Variants in KLHL5 observed in about 807,000 individuals in gnomAD.
KLHL5 encodes kelch like family member 5.
Under a neutral mutation model 77.7 loss-of-function variants are expected in KLHL5, and 48 were observed. The observed-to-expected ratio is 0.62, with a 90% CI of 0.49 to 0.79. The LOEUF (loss-of-function observed/expected upper bound fraction) is 0.79. KLHL5 is among the 30% of genes least tolerant of loss of function. The probability of loss-of-function intolerance (pLI) is 0.00; values close to 1 mark genes in which losing one functional copy is unlikely to be tolerated. For missense variants in KLHL5, 723 were observed against 859.7 expected, an observed-to-expected ratio of 0.84 and a Z score of 1.99; for synonymous variants, 260 against 297.0, an observed-to-expected ratio of 0.88 and a Z score of 1.28.
chr4:39,101,877 T>TATATATAC (rs769434754), intron 6 of KLHL5, among the ~76,000 whole-genome samples: 2 of 108,528 alleles, frequency 1.8e-5, no homozygotes, highest in East Asian at 5.3e-4. Context: ...TATATATATA[T>TATATATAC]ACACACACAC....
At chr4:39,117,573 C>G (rs1407033940) in intron 10 of KLHL5, among the ~76,000 whole-genome samples, 1 of 152,090 alleles carries the variant, frequency 6.6e-6, no homozygotes, top group Non-Finnish European at 1.5e-5. Context: ...TATACACACA[C>G]TTACTGGGTT....
intron 2 of KLHL5, among the ~76,000 whole-genome samples, chr4:39,080,050 C>T (rs62296132): frequency 0.022 from 3,392 of 152,174 alleles, 88 homozygotes; most frequent in Admixed American, 0.083. Context: ...CTTACTTTGG[C>T]AAATCTAATG....
At chr4:39,103,266 C>G in intron 6 of KLHL5, 21 bp from the exon 7 acceptor site, 1 of 1,545,258 alleles carries the variant, frequency 6.5e-7, no homozygotes, top group Non-Finnish European at 8.9e-7. Context: ...ATTTACATAA[C>G]TTCTATATAT....
intron 1 of KLHL5, among the ~76,000 whole-genome samples, chr4:39,074,803 GT>G (rs766565537): frequency 6.6e-6 from 1 of 152,134 alleles, no homozygotes; most frequent in Non-Finnish European, 1.5e-5. Flanking sequence ...CAAAGCATAT[GT>G]CACAACCATC....
chr4:39,136,005 C>CGTAT, the KLHL5 span, among the ~76,000 whole-genome samples: 7 of 146,022 alleles, frequency 4.8e-5, no homozygotes, highest in African/African-American at 1.8e-4. Context: ...CATTCTAACA[C>CGTAT]GTGTGTGTGT....
chr4:39,060,398 C>T (rs900622394), upstream of KLHL5, among the ~76,000 whole-genome samples: 2 of 151,954 alleles, frequency 1.3e-5, no homozygotes, highest in Non-Finnish European at 1.5e-5. Context: ...CCCCTGCACA[C>T]TCAATGCCTA....
downstream of KLHL5, among the ~76,000 whole-genome samples, chr4:39,129,982 C>G (rs1723732963): frequency 6.6e-6 from 1 of 152,258 alleles, no homozygotes; most frequent in East Asian, 1.9e-4. This position sits in a 1 kb window ranked among gnomAD's most constrained non-coding sequence, Gnocchi z 4.2. Context: ...AGTTGTTACC[C>G]CATTGCTTGA....
At chr4:39,097,640 T>A (rs1721183038) in intron 6 of KLHL5, among the ~76,000 whole-genome samples, 1 of 152,194 alleles carries the variant, frequency 6.6e-6, no homozygotes, top group Non-Finnish European at 1.5e-5. Context: ...ATAACTTATC[T>A]GTCTATAGTA....
intron 7 of KLHL5, among the ~76,000 whole-genome samples, chr4:39,104,326 T>A (rs62310321): frequency 3.5e-4 from 54 of 152,290 alleles, no homozygotes; most frequent in Non-Finnish European, 6.3e-4. Flanking sequence ...ACATTACTCC[T>A]GAGTCCATAA....
At chr4:39,069,959 C>G (rs934381980) in intron 1 of KLHL5, among the ~76,000 whole-genome samples, 16 of 152,114 alleles carry the variant, frequency 1.1e-4, no homozygotes, top group Non-Finnish European at 1.8e-4. Context: ...TTTCTAAATT[C>G]TGTTTTCCTT....
At chr4:39,103,556 C>A in intron 7 of KLHL5, 45 bp downstream of exon 7, 1 of 1,473,084 alleles carries the variant, frequency 6.8e-7, no homozygotes, top group Non-Finnish European at 9.5e-7. Flanking sequence ...ACATAGCTCC[C>A]ACGGCACATT....
At position 39,075,425 on chromosome 4, in the gene KLHL5, C is replaced by G. The variant is rs147624818; in HGVS notation, c.384-540C>G. 1.6e-3 allele frequency among the ~76,000 whole-genome samples: 246 copies of G among 152,060 alleles called. 1 individual carries two copies. In the Middle Eastern group the frequency reaches 0.021, roughly 13 times the overall value. On this transcript the variant is annotated intron_variant, in intron 1 of 10. Coordinates refer to ENST00000504108, the MANE Select transcript of KLHL5 (RefSeq NM_015990.5). Reference sequence around the variant, plus strand: ...TAATTTTTTAGACAGCTGTATTAGGCTATCAAATTCCTTTAACCTGTAATA... The same window carrying G: ...TAATTTTTTAGACAGCTGTATTAGGGTATCAAATTCCTTTAACCTGTAATA...
chr4:39,103,560 G>T (rs1721783076), intron 7 of KLHL5, 49 bp downstream of exon 7: 1 of 1,455,580 alleles, frequency 6.9e-7, no homozygotes, highest in South Asian at 1.1e-5. Flanking sequence ...AGCTCCCACG[G>T]CACATTTACA....
At chr4:39,085,092 T>A (rs1719929129) in intron 4 of KLHL5, among the ~76,000 whole-genome samples, 1 of 152,168 alleles carries the variant, frequency 6.6e-6, no homozygotes, top group Non-Finnish European at 1.5e-5. Flanking sequence ...TAGATCTTGC[T>A]ATGTGTTACC....
chr4:39,127,089 A>G (rs560952567), downstream of KLHL5, among the ~76,000 whole-genome samples: 1 of 152,232 alleles, frequency 6.6e-6, no homozygotes, highest in African/African-American at 2.4e-5. Flanking sequence ...CAATCCCAGC[A>G]CTTTGGGAGG....
chr4:39,131,397 TGA>T (rs1358954722), downstream of KLHL5, among the ~76,000 whole-genome samples: 2 of 152,174 alleles, frequency 1.3e-5, no homozygotes, highest in Admixed American at 6.6e-5. Flanking sequence ...GAGATATTTG[TGA>T]GAGTCTAAAA....
At chr4:39,086,008 A>G (rs1006720926) in intron 4 of KLHL5, among the ~76,000 whole-genome samples, 2 of 152,182 alleles carry the variant, frequency 1.3e-5, no homozygotes, top group African/African-American at 4.8e-5. Context: ...CTGAGAAGAC[A>G]TCTGTGGTCT....
chr4:39,052,151 C>T (rs966771959), intron 1 of KLHL5, among the ~76,000 whole-genome samples: 3 of 152,018 alleles, frequency 2.0e-5, no homozygotes, highest in African/African-American at 2.4e-5. Context: ...GACAGAGACT[C>T]GCTCTGTCAC....
chr4:39,082,913 T>C (rs931848091), intron 4 of KLHL5, among the ~76,000 whole-genome samples: 1 of 151,790 alleles, frequency 6.6e-6, no homozygotes, highest in African/African-American at 2.4e-5. Flanking sequence ...TTTTGAGGAA[T>C]GTTGCCACAC....
Sources: gnomAD v4.1 joint callset for allele counts (sites outside exome capture counted in the v4.1 genomes callset) on GRCh38, gnomAD v4.1.1 for gene constraint, Gnocchi (gnomAD v3.1) non-coding constraint, MANE v1.5 for transcripts, NCBI Gene and HGNC (gene_info 2026-07-23, HGNC 2026-07-21) for gene names.